Variants in DCLK2 observed in about 807,000 individuals in gnomAD.
DCLK2 encodes the protein doublecortin like kinase 2, also known as serine/threonine-protein kinase DCLK2.
A neutral mutation model predicts 78.4 loss-of-function variants in DCLK2; 31 were observed. That is an observed-to-expected ratio of 0.40 (90% CI 0.30 to 0.53). The LOEUF is 0.53. Ranked by LOEUF, DCLK2 falls within the 20% of genes least tolerant of loss-of-function variation. The pLI is 0.61. For missense variants in DCLK2, 872 were observed against 973.7 expected, an observed-to-expected ratio of 0.90 and a Z score of 1.39; for synonymous variants, 407 against 374.9, an observed-to-expected ratio of 1.09 and a Z score of -0.99.
At chr4:150,108,445 G>A (rs1172577044) in intron 2 of DCLK2, among the ~76,000 whole-genome samples, 1 of 152,012 alleles carries the variant, frequency 6.6e-6, no homozygotes, top group Non-Finnish European at 1.5e-5. Context: ...ACGGGAGGCT[G>A]AGGCAGGAGA....
rs140522076 is a variant in DCLK2, at chr4:150,216,489, A to G, written c.1057-4214A>G. 2.6e-5 allele frequency among the ~76,000 whole-genome samples: 4 copies of G among 152,264 alleles called. No individual in the cohort carries two copies. The East Asian group carries it at 5.8e-4, about 22-fold the overall frequency. On this transcript the variant is annotated intron_variant, in intron 5 of 15. Coordinates refer to ENST00000296550, the MANE Select transcript of DCLK2 (RefSeq NM_001040260.4). ...CCTGTCTCTACCAAAAATTTAAAAA[A>G]TTAGTCGGGCGTGGTGGCGGGTGCT...
intron 2 of DCLK2, among the ~76,000 whole-genome samples, chr4:150,178,804 C>G (rs145975860): frequency 6.6e-6 from 1 of 152,290 alleles, no homozygotes; most frequent in East Asian, 1.9e-4. Context: ...AAGCCTCTAA[C>G]TTTCAACCAG....
chr4:150,094,972 T>C (rs891965959), intron 1 of DCLK2, among the ~76,000 whole-genome samples: 3 of 152,204 alleles, frequency 2.0e-5, no homozygotes, highest in African/African-American at 4.8e-5. Flanking sequence ...TCTGTACTTA[T>C]GCAACAAAAT....
chr4:150,253,248 C>T, intron 15 of DCLK2: 1 of 536,832 alleles, frequency 1.9e-6, no homozygotes. Context: ...GTGGGGCCAA[C>T]CTGGTTTTCT....
chr4:150,190,879 C>T (rs1183486823), intron 2 of DCLK2, among the ~76,000 whole-genome samples: 1 of 152,064 alleles, frequency 6.6e-6, no homozygotes, highest in Admixed American at 6.5e-5. Context: ...ATTGCTTGAG[C>T]CCAGGAGTTA....
chr4:150,084,662 A>G (rs1385614059), intron 1 of DCLK2, among the ~76,000 whole-genome samples: 1 of 152,232 alleles, frequency 6.6e-6, no homozygotes, highest in Non-Finnish European at 1.5e-5. Flanking sequence ...TCTGGAAGTT[A>G]TAAGACAAGA....
intron 2 of DCLK2, among the ~76,000 whole-genome samples, chr4:150,172,713 A>G (rs1433234467): frequency 1.4e-5 from 2 of 140,846 alleles, no homozygotes; most frequent in African/African-American, 5.1e-5. Flanking sequence ...TCTCAAGGCT[A>G]CTAAACATGC....
At position 150,256,376 on chromosome 4, in the gene DCLK2, A is replaced by C; in HGVS notation, c.*129A>C. The C allele has an allele frequency of 7.7e-7, 1 of 1,300,950 alleles. No homozygotes were observed. Among genetic ancestry groups the C allele is most frequent in the Non-Finnish European group, 1.0e-6 (1 of 982,390 alleles). 80.6% of individuals were successfully genotyped at this position (1,300,950 alleles called of 1,614,324 possible). Reference sequence around the variant, plus strand: ...GCGCCTGAGTTCGCGGGTCCTCCGCAGGCCGCCTGGGAACCGGAGCCTGGC... The same window carrying C: ...GCGCCTGAGTTCGCGGGTCCTCCGCCGGCCGCCTGGGAACCGGAGCCTGGC... On this transcript the variant is annotated 3_prime_UTR_variant, in exon 16 of 16. Transcript: ENST00000296550.
At chr4:150,080,433 C>T (rs1729174362) in intron 1 of DCLK2, among the ~76,000 whole-genome samples, 1 of 152,144 alleles carries the variant, frequency 6.6e-6, no homozygotes, top group African/African-American at 2.4e-5. Flanking sequence ...GAACCTGTTT[C>T]CAGTTCTAAA....
chr4:150,228,434 A>G (rs193219437), intron 8 of DCLK2, among the ~76,000 whole-genome samples: 113 of 152,246 alleles, frequency 7.4e-4, no homozygotes, highest in African/African-American at 2.6e-3. Context: ...TGATGTGTCT[A>G]CTCCTTCACG....
intron 5 of DCLK2, among the ~76,000 whole-genome samples, chr4:150,215,564 C>T (rs1560877392): frequency 1.3e-5 from 2 of 152,108 alleles, no homozygotes; most frequent in African/African-American, 4.8e-5. Context: ...ATGCATAGGG[C>T]GAGGTATGGG....
intron 5 of DCLK2, among the ~76,000 whole-genome samples, chr4:150,208,481 G>A (rs1346663264): frequency 6.6e-6 from 1 of 151,916 alleles, no homozygotes; most frequent in Non-Finnish European, 1.5e-5. Flanking sequence ...GAGTGCAGTG[G>A]CGTGATCTTG....
Position 150,078,854 on chromosome 4 carries a change from G to T in DCLK2, c.-174G>T, listed in dbSNP as rs1287463126. On this transcript the variant is annotated 5_prime_UTR_variant, in exon 1 of 16. Coordinates refer to ENST00000296550, the MANE Select transcript of DCLK2 (RefSeq NM_001040260.4). ...TGCGGACACTTTTAGCTGAGGGCGC[G>T]GGCGGGTCGGCTCCTCCGCGGCTCC... is the stretch of plus-strand genomic sequence containing the variant. The T allele has an allele frequency of 2.6e-6, 2 of 756,402 alleles. No individual in the cohort carries two copies. The highest frequency in any genetic ancestry group is 3.9e-6 in the Non-Finnish European group (2 of 514,268). The allele number at this position is 756,402 out of a possible 1,614,324, so 46.9% of individuals were successfully genotyped here. A position where few individuals can be genotyped will look rare whatever the true frequency, so the allele number is the denominator to read the frequency against.
intron 2 of DCLK2, among the ~76,000 whole-genome samples, chr4:150,173,496 T>G (rs947003259): frequency 5.3e-5 from 8 of 152,130 alleles, no homozygotes; most frequent in African/African-American, 1.9e-4. Flanking sequence ...AGGTGTCGTG[T>G]GATGAAGCCA....
At chr4:150,205,786 G>T (rs961202607) in intron 5 of DCLK2, among the ~76,000 whole-genome samples, 1 of 152,212 alleles carries the variant, frequency 6.6e-6, no homozygotes, top group Non-Finnish European at 1.5e-5. Context: ...ACGCAAAAGC[G>T]AGTGGCTCCT....
intron 4 of DCLK2, chr4:150,199,172 T>A: frequency 1.7e-6 from 2 of 1,155,700 alleles, no homozygotes; most frequent in Non-Finnish European, 2.5e-6. Context: ...TTTCCATGAA[T>A]GTATCTGGCT....
chr4:150,195,473 ATAT>A (rs1218975278), intron 3 of DCLK2, among the ~76,000 whole-genome samples: 3 of 89,296 alleles, frequency 3.4e-5, no homozygotes, highest in African/African-American at 8.2e-5. Context: ...TATATTATAT[ATAT>A]TATTATATAA....
chr4:150,103,497 T>C (rs1731026265), intron 2 of DCLK2, among the ~76,000 whole-genome samples: 1 of 152,204 alleles, frequency 6.6e-6, no homozygotes. Context: ...TTATCATTGC[T>C]AAAAAGAAGC....
intron 1 of DCLK2, among the ~76,000 whole-genome samples, chr4:150,100,838 T>A (rs1214391128): frequency 6.6e-6 from 1 of 152,218 alleles, no homozygotes; most frequent in Non-Finnish European, 1.5e-5. Flanking sequence ...ACGGTGGTGG[T>A]TGGGCTAGAT....
Sources: allele counts gnomAD v4.1 joint callset (sites outside exome capture counted in the v4.1 genomes callset), GRCh38; gene constraint gnomAD v4.1.1; transcripts MANE v1.5; gene names NCBI Gene and HGNC (gene_info 2026-07-23, HGNC 2026-07-21).